Variants in PCSK5 observed in about 807,000 individuals in gnomAD.
PCSK5 encodes proprotein convertase subtilisin/kexin type 5, also known as prohormone convertase 5.
A neutral mutation model predicts 233.2 loss-of-function variants in PCSK5; 129 were observed. That is an observed-to-expected ratio of 0.55 (90% confidence interval 0.48 to 0.64). The LOEUF is 0.64. PCSK5 is among the 30% of genes least tolerant of loss of function. The probability of loss-of-function intolerance (pLI) is 0.00; values close to 1 mark genes in which losing one functional copy is unlikely to be tolerated. For synonymous variants in PCSK5, 825 were observed against 879.2 expected, an observed-to-expected ratio of 0.94 and a Z score of 1.09; for missense variants, 2,076 against 2,430.1, an observed-to-expected ratio of 0.85 and a Z score of 3.06.
At chr9:76,329,660 C>G (rs1281738677) in intron 33 of PCSK5, among the ~76,000 whole-genome samples, 1 of 151,732 alleles carries the variant, frequency 6.6e-6, no homozygotes, top group Non-Finnish European at 1.5e-5. Flanking sequence ...TGATGAAATC[C>G]CATCTCTACT....
Position 76,189,655 on chromosome 9 carries a change from C to T in PCSK5, c.2535C>T (p.Cys845=), listed in dbSNP as rs948400542. 1.9e-6 allele frequency: 3 copies of T among 1,611,494 alleles called. No homozygotes were observed. The African/African-American group carries it at 4.0e-5, about 22-fold the overall frequency. Residue 845 remains cysteine (C), a synonymous_variant, in exon 20 of 38, where the codon TGC becomes TGT. Coordinates refer to ENST00000674117, the MANE Select transcript of PCSK5 (RefSeq NM_001372043.1). ...GATGTGATATCAGTTGTTTGACGTG[C>T]AATGGCCCAGGATTCAAGAACTGTA... The part of the protein sequence containing the change: ...CKKCDISCLT[C]NGPGFKNCTS...
chr9:76,209,949 G>A (rs1656387767), intron 20 of PCSK5, among the ~76,000 whole-genome samples: 1 of 152,140 alleles, frequency 6.6e-6, no homozygotes, highest in Non-Finnish European at 1.5e-5. Flanking sequence ...AGAATGAGTA[G>A]AAGTTTGCTG....
At chr9:76,302,037 C>A in intron 27 of PCSK5, 100 bp from the exon 28 acceptor site, 1 of 453,918 alleles carries the variant, frequency 2.2e-6, no homozygotes, top group Non-Finnish European at 4.0e-6. Flanking sequence ...ACAGTATACA[C>A]AGCAGACATT....
chr9:76,334,114 C>A (rs147224429), intron 34 of PCSK5, among the ~76,000 whole-genome samples: 1 of 151,954 alleles, frequency 6.6e-6, no homozygotes, highest in Non-Finnish European at 1.5e-5. Flanking sequence ...GAGAGCCAGG[C>A]GAAACGGGTT....
At chr9:76,032,297 G>A (rs535568411) in intron 5 of PCSK5, among the ~76,000 whole-genome samples, 28 of 152,274 alleles carry the variant, frequency 1.8e-4, no homozygotes, top group Admixed American at 1.5e-3. Context: ...TGCTTGGCGA[G>A]TGGCTCTGTG....
At chr9:76,267,797 G>A (rs1480703598) in intron 24 of PCSK5, among the ~76,000 whole-genome samples, 3 of 152,062 alleles carry the variant, frequency 2.0e-5, no homozygotes, top group Non-Finnish European at 4.4e-5. Context: ...TTAATTTACT[G>A]TGGCATCAAA....
intron 2 of PCSK5, among the ~76,000 whole-genome samples, chr9:75,975,124 G>A (rs1303510522): frequency 1.3e-5 from 2 of 152,062 alleles, no homozygotes; most frequent in African/African-American, 4.8e-5. Flanking sequence ...AGCGCAAAAT[G>A]GATGAAATGA....
chr9:75,924,100 G>A (rs1240231083), intron 1 of PCSK5, among the ~76,000 whole-genome samples: 2 of 152,174 alleles, frequency 1.3e-5, no homozygotes, highest in Non-Finnish European at 2.9e-5. Flanking sequence ...CTGGAGGTTA[G>A]GGTGTAGACA....
At chr9:76,210,729 A>G (rs189144949) in intron 20 of PCSK5, among the ~76,000 whole-genome samples, 217 of 152,298 alleles carry the variant, frequency 1.4e-3, no homozygotes, top group Non-Finnish European at 2.3e-3. Flanking sequence ...GAATGACAGA[A>G]TTGGCGTGGG....
intron 3 of PCSK5, among the ~76,000 whole-genome samples, chr9:75,994,596 G>C (rs1004077011): frequency 6.6e-6 from 1 of 151,426 alleles, no homozygotes; most frequent in Non-Finnish European, 1.5e-5. Flanking sequence ...CTACTTTTTT[G>C]TATTTTTAGT....
chr9:76,141,702 T>G (rs1325803398), intron 10 of PCSK5, among the ~76,000 whole-genome samples: 2 of 152,138 alleles, frequency 1.3e-5, no homozygotes, highest in Non-Finnish European at 2.9e-5. Context: ...TTTTGTAGGC[T>G]TTCGTATAAA....
At chr9:76,194,659 A>C (rs1824599783) in intron 20 of PCSK5, 1 of 413,958 alleles carries the variant, frequency 2.4e-6, no homozygotes, top group Non-Finnish European at 4.9e-6. Flanking sequence ...TAAACACTTC[A>C]TCGAAACTAG....
intron 10 of PCSK5, among the ~76,000 whole-genome samples, chr9:76,141,934 C>T (rs928053859): frequency 6.6e-6 from 1 of 151,978 alleles, no homozygotes; most frequent in Non-Finnish European, 1.5e-5. Flanking sequence ...ATGATGAGAA[C>T]TCGTGAACAC....
chr9:75,922,351 C>G (rs897873505), intron 1 of PCSK5, among the ~76,000 whole-genome samples: 2 of 152,164 alleles, frequency 1.3e-5, no homozygotes, highest in Non-Finnish European at 2.9e-5. Context: ...ATCATGGACT[C>G]TATCCCAACT....
intron 35 of PCSK5, among the ~76,000 whole-genome samples, chr9:76,344,476 C>T (rs755060122): frequency 2.6e-5 from 4 of 152,200 alleles, no homozygotes; most frequent in South Asian, 2.1e-4. Context: ...GCATTAACTA[C>T]TCATTAATCT....
At chr9:76,215,754 A>G (rs1304911721) in intron 20 of PCSK5, among the ~76,000 whole-genome samples, 1 of 152,050 alleles carries the variant, frequency 6.6e-6, no homozygotes, top group African/African-American at 2.4e-5. Flanking sequence ...CACCTGATTA[A>G]CATGGTGAAA....
At chr9:76,108,106 AC>A (rs758922352) in intron 9 of PCSK5, among the ~76,000 whole-genome samples, 2 of 152,228 alleles carry the variant, frequency 1.3e-5, no homozygotes, top group African/African-American at 2.4e-5. Flanking sequence ...ATTATTTATA[AC>A]ATTTATTGTG....
chr9:76,292,237 T>C lies in PCSK5; in HGVS notation c.3147T>C (p.Asp1049=). 2 of 1,560,656 alleles carry C rather than the reference T, an allele frequency of 1.3e-6. No homozygotes were observed. Among genetic ancestry groups the C allele is most frequent in the Non-Finnish European group, 1.8e-6 (2 of 1,133,820 alleles). Residue 1049 remains aspartate (D), a synonymous_variant, in exon 25 of 38, where the codon GAT becomes GAC. Transcript: ENST00000674117. The part of the protein sequence containing the change: ...EEGCLGCSLD[D]PGTCTSCAMG... The stretch of plus-strand genomic sequence containing the variant: ...TTTATTATTTTTTTTTTCCAGATGA[T>C]CCAGGAACATGTACATCTTGCGCTA...
At chr9:76,152,457 G>C (rs1000160265) in intron 10 of PCSK5, among the ~76,000 whole-genome samples, 8 of 152,144 alleles carry the variant, frequency 5.3e-5, no homozygotes, top group Non-Finnish European at 7.3e-5. Context: ...TTTTGTTGCT[G>C]CTTGTTTGCC....
Sources: allele counts gnomAD v4.1 joint callset (sites outside exome capture counted in the v4.1 genomes callset), GRCh38; gene constraint gnomAD v4.1.1; transcripts MANE v1.5; gene names NCBI Gene and HGNC (gene_info 2026-07-23, HGNC 2026-07-21).